Variants in CHN1 observed in about 807,000 individuals in gnomAD.
CHN1 encodes the protein chimerin 1.
A neutral mutation model predicts 59.5 loss-of-function variants in CHN1; 37 were observed. That is an observed-to-expected ratio of 0.62 (90% confidence interval 0.48 to 0.82). The LOEUF (loss-of-function observed/expected upper bound fraction) is 0.82, where lower values mean the gene tolerates loss of function less well. Among genes scored for constraint, CHN1 ranks in the 40% least tolerant of loss-of-function variants. The pLI is 0.00. For missense variants in CHN1, 469 were observed against 571.0 expected (o/e 0.82, Z 1.82); for synonymous variants, 206 against 200.4 (o/e 1.03, Z -0.24).
intron 6 of CHN1, among the ~76,000 whole-genome samples, chr2:174,874,820 C>A (rs553286644): frequency 5.3e-5 from 8 of 151,292 alleles, no homozygotes; most frequent in African/African-American, 1.9e-4. Context: ...TCATGAATAA[C>A]GCAGAGAAGG....
At chr2:174,888,957 T>A (rs1047788120) in intron 5 of CHN1, among the ~76,000 whole-genome samples, 9 of 151,642 alleles carry the variant, frequency 5.9e-5, no homozygotes, top group Non-Finnish European at 5.9e-5. Flanking sequence ...AAGAGTGGAG[T>A]ATGAATATGG....
At chr2:174,993,651 C>A (rs1691620583) in intron 1 of CHN1, among the ~76,000 whole-genome samples, 1 of 151,240 alleles carries the variant, frequency 6.6e-6, no homozygotes, top group African/African-American at 2.4e-5. Context: ...AAAGGCTTTA[C>A]CATATGGAAT....
intron 1 of CHN1, among the ~76,000 whole-genome samples, chr2:174,952,810 A>T (rs562120925): frequency 1.3e-5 from 2 of 152,332 alleles, no homozygotes; most frequent in Admixed American, 6.5e-5. Flanking sequence ...TGAGGTGAAC[A>T]TCTGCTCTTC....
intron 1 of CHN1, among the ~76,000 whole-genome samples, chr2:174,952,607 C>T (rs1416961623): frequency 6.6e-6 from 1 of 152,064 alleles, no homozygotes; most frequent in Non-Finnish European, 1.5e-5. Context: ...TTTTAATCAC[C>T]GCAAAAGTTA....
chr2:174,817,627 G>A (rs1965235), intron 8 of CHN1, among the ~76,000 whole-genome samples: 78,389 of 149,024 alleles, frequency 0.53, 21,305 homozygotes, highest in African/African-American at 0.64. Flanking sequence ...ACGCCCAGCT[G>A]ATTTTTTTTT....
chr2:174,874,625 A>G (rs1032573264), intron 6 of CHN1, among the ~76,000 whole-genome samples: 3 of 152,186 alleles, frequency 2.0e-5, no homozygotes, highest in Non-Finnish European at 2.9e-5. Context: ...CTGCAACAAA[A>G]AAATAAAAAC....
At chr2:174,904,694 T>C (rs925993034) in intron 5 of CHN1, among the ~76,000 whole-genome samples, 39 of 152,226 alleles carry the variant, frequency 2.6e-4, no homozygotes, top group African/African-American at 7.7e-4. Flanking sequence ...AGCCAGATAT[T>C]GTTTTTAAAC....
At chr2:174,864,513 A>G (rs1574102766) in intron 6 of CHN1, among the ~76,000 whole-genome samples, 1 of 152,222 alleles carries the variant, frequency 6.6e-6, no homozygotes, top group Non-Finnish European at 1.5e-5. Context: ...TAATCATTTA[A>G]TATGGCTCAA....
At chr2:174,986,694 C>A (rs1019169497) in intron 1 of CHN1, among the ~76,000 whole-genome samples, 1 of 152,186 alleles carries the variant, frequency 6.6e-6, no homozygotes, top group African/African-American at 2.4e-5. Flanking sequence ...ACATTTACAA[C>A]GATCCACATA....
intron 6 of CHN1, among the ~76,000 whole-genome samples, chr2:174,858,979 T>TACACACACACACACACACAC (rs71407155): frequency 1.9e-3 from 270 of 142,500 alleles, no homozygotes; most frequent in African/African-American, 6.2e-3. Context: ...TTTCCTCCTC[T>TACACACACACACACACACAC]ACACACACAC....
intron 1 of CHN1, among the ~76,000 whole-genome samples, chr2:174,975,484 A>G (rs1489628408): frequency 6.6e-6 from 1 of 152,150 alleles, no homozygotes; most frequent in East Asian, 1.9e-4. Context: ...ATCATTCAGC[A>G]CTTACCTACT....
At chr2:174,918,708 G>T in intron 3 of CHN1, 143 bp from the exon 4 acceptor site, 2 of 604,638 alleles carry the variant, frequency 3.3e-6, no homozygotes. Context: ...AGTTCTACCA[G>T]CAGGTTACCT....
intron 5 of CHN1, among the ~76,000 whole-genome samples, chr2:174,887,547 A>G (rs1334441251): frequency 1.3e-5 from 2 of 152,188 alleles, no homozygotes; most frequent in African/African-American, 4.8e-5. Context: ...TTAGGGAGAT[A>G]AAGTAACTTG....
chr2:174,807,736 A>G (rs2646202), intron 11 of CHN1, among the ~76,000 whole-genome samples: 151,786 of 152,200 alleles, frequency 1, 75,687 homozygotes, highest in Middle Eastern at 1. Flanking sequence ...AAGAAATCAG[A>G]CCTCCATGGA....
At chr2:174,963,352 G>A (rs1218362222) in intron 1 of CHN1, among the ~76,000 whole-genome samples, 1 of 152,192 alleles carries the variant, frequency 6.6e-6, no homozygotes, top group Admixed American at 6.5e-5. Context: ...CGAATGGAAG[G>A]AAAGAAGGAA....
At chr2:174,921,126 C>A in intron 3 of CHN1, 1 of 335,280 alleles carries the variant, frequency 3.0e-6, no homozygotes, top group Admixed American at 2.5e-5. Flanking sequence ...ACCTACCATT[C>A]ACCTCCTGCT....
At chr2:174,927,038 G>A (rs755310618) in intron 3 of CHN1, among the ~76,000 whole-genome samples, 9 of 152,044 alleles carry the variant, frequency 5.9e-5, no homozygotes, top group South Asian at 4.2e-4. Flanking sequence ...GATTACAGGC[G>A]TGAGCCACTG....
At chr2:174,941,174 C>A (rs998054657) in intron 3 of CHN1, among the ~76,000 whole-genome samples, 2 of 152,118 alleles carry the variant, frequency 1.3e-5, no homozygotes, top group Non-Finnish European at 2.9e-5. Flanking sequence ...GCCTTTTTGA[C>A]ATGTTTCCAT....
chr2:174,998,286 G>C (rs1691776235), intron 1 of CHN1, among the ~76,000 whole-genome samples: 1 of 119,966 alleles, frequency 8.3e-6, no homozygotes. Context: ...CTGGGTGACA[G>C]AGTGAGACTC....
Sources: allele counts gnomAD v4.1 joint callset (sites outside exome capture counted in the v4.1 genomes callset), GRCh38; gene constraint gnomAD v4.1.1; transcripts MANE v1.5; gene names NCBI Gene and HGNC (gene_info 2026-07-23, HGNC 2026-07-21).